The following FUT9 variants were observed in gnomAD, a reference collection of about 807,000 sequenced individuals.
FUT9 encodes 4-galactosyl-N-acetylglucosaminide 3-alpha-L-fucosyltransferase 9.
In FUT9, 15 loss-of-function variants were observed where a neutral mutation model predicts 29.7. That is an observed-to-expected ratio of 0.51 (90% CI 0.34 to 0.78). The LOEUF (loss-of-function observed/expected upper bound fraction) is 0.78. Ranked by LOEUF, FUT9 falls within the 30% of genes least tolerant of loss-of-function variation. The probability of loss-of-function intolerance (pLI) is 0.01; values close to 1 mark genes in which losing one functional copy is unlikely to be tolerated. For missense variants in FUT9, 319 were observed against 425.4 expected (o/e 0.75, Z 2.20); for synonymous variants, 169 against 153.7 (o/e 1.10, Z -0.74).
chr6:96,058,047 T>C (rs1383180302), intron 1 of FUT9, among the ~76,000 whole-genome samples: 1 of 152,000 alleles, frequency 6.6e-6, no homozygotes, highest in Non-Finnish European at 1.5e-5. Context: ...TTGATCTTGT[T>C]TGATATTCTT....
chr6:96,140,377 C>T (rs1180848001), intron 2 of FUT9, among the ~76,000 whole-genome samples: 1 of 150,096 alleles, frequency 6.7e-6, no homozygotes, highest in Non-Finnish European at 1.5e-5. Flanking sequence ...ATCTTCCTGT[C>T]TTCTTCTGAG....
intron 2 of FUT9, among the ~76,000 whole-genome samples, chr6:96,173,358 G>A (rs986270489): frequency 6.6e-6 from 1 of 152,122 alleles, no homozygotes; most frequent in Non-Finnish European, 1.5e-5. Flanking sequence ...CCACTAAAAT[G>A]TTAGCTACAT....
At chr6:96,024,703 G>A (rs1056950275) in intron 1 of FUT9, among the ~76,000 whole-genome samples, 2 of 151,722 alleles carry the variant, frequency 1.3e-5, no homozygotes, top group Non-Finnish European at 2.9e-5. Flanking sequence ...CAGCATCAAG[G>A]ATAGGGAAGT....
At chr6:96,140,497 GTA>G (rs1448927922) in intron 2 of FUT9, among the ~76,000 whole-genome samples, 4 of 152,154 alleles carry the variant, frequency 2.6e-5, no homozygotes, top group Non-Finnish European at 5.9e-5. Context: ...CCAATTTACT[GTA>G]TTAGTCCATT....
At chr6:96,102,167 G>C (rs1333000208) in intron 1 of FUT9, among the ~76,000 whole-genome samples, 1 of 151,932 alleles carries the variant, frequency 6.6e-6, no homozygotes, top group East Asian at 1.9e-4. Context: ...ATGTTATTGA[G>C]AGATCGTTGT....
chr6:96,046,828 G>A (rs1290484185), intron 1 of FUT9, among the ~76,000 whole-genome samples: 2 of 152,132 alleles, frequency 1.3e-5, no homozygotes, highest in African/African-American at 2.4e-5. Flanking sequence ...TATTCAATCT[G>A]GGAAGTGTTG....
chr6:96,123,318 A>G (rs752748163), intron 2 of FUT9, among the ~76,000 whole-genome samples: 2 of 152,096 alleles, frequency 1.3e-5, no homozygotes, highest in Non-Finnish European at 2.9e-5. Flanking sequence ...AAAAAACCCA[A>G]TGCTGAAGTG....
At chr6:96,074,688 T>G (rs576533874) in intron 1 of FUT9, among the ~76,000 whole-genome samples, 2 of 152,314 alleles carry the variant, frequency 1.3e-5, no homozygotes, top group Admixed American at 1.3e-4. Flanking sequence ...AAAATTACCT[T>G]TATCTCTAAA....
chr6:96,176,137 A>G (rs1198573410), intron 2 of FUT9, among the ~76,000 whole-genome samples: 3 of 152,016 alleles, frequency 2.0e-5, no homozygotes, highest in Admixed American at 2.0e-4. Flanking sequence ...TTGGACCGAG[A>G]GTTACATGGC....
At chr6:96,075,179 C>T (rs1369922311) in intron 1 of FUT9, among the ~76,000 whole-genome samples, 1 of 152,016 alleles carries the variant, frequency 6.6e-6, no homozygotes, top group Non-Finnish European at 1.5e-5. Flanking sequence ...TTGTCAGTTA[C>T]TAGCAGAAAG....
At chr6:96,017,464 G>A in intron 1 of FUT9, among the ~76,000 whole-genome samples, 1 of 152,100 alleles carries the variant, frequency 6.6e-6, no homozygotes, top group East Asian at 1.9e-4. Flanking sequence ...TGAGCAAGGG[G>A]GATGGAGTGA....
chr6:96,192,477 T>C (rs1773529315), intron 2 of FUT9, among the ~76,000 whole-genome samples: 1 of 152,058 alleles, frequency 6.6e-6, no homozygotes, highest in Non-Finnish European at 1.5e-5. Flanking sequence ...ATAAAATACC[T>C]AGGAATCCAA....
intron 1 of FUT9, among the ~76,000 whole-genome samples, chr6:96,044,923 T>C (rs1281855252): frequency 6.6e-6 from 1 of 152,226 alleles, no homozygotes. Context: ...TACAGCCTTA[T>C]ATGTTCTACC....
chr6:96,159,740 A>T (rs1157001212), intron 2 of FUT9, among the ~76,000 whole-genome samples: 1 of 152,162 alleles, frequency 6.6e-6, no homozygotes, highest in Non-Finnish European at 1.5e-5. Flanking sequence ...ACTGTTAAAA[A>T]TGATTGAATG....
intron 2 of FUT9, among the ~76,000 whole-genome samples, chr6:96,117,041 ATATAAACT>A (rs1352551627): frequency 2.0e-5 from 3 of 152,244 alleles, no homozygotes; most frequent in Non-Finnish European, 4.4e-5. Context: ...CAAATGTAAT[ATATAAACT>A]TACTGAAGGT....
intron 2 of FUT9, among the ~76,000 whole-genome samples, chr6:96,127,178 CCCT>C (rs1387671028): frequency 6.6e-6 from 1 of 152,116 alleles, no homozygotes; most frequent in East Asian, 1.9e-4. Flanking sequence ...TCAATCCTCA[CCCT>C]CCTCCTATCT....
At chr6:96,024,528 C>G (rs1356958948) in intron 1 of FUT9, among the ~76,000 whole-genome samples, 1 of 151,670 alleles carries the variant, frequency 6.6e-6, no homozygotes, top group Non-Finnish European at 1.5e-5. Flanking sequence ...CTTGGGGATC[C>G]TTTGACTCAG....
intron 1 of FUT9, among the ~76,000 whole-genome samples, chr6:96,051,740 T>A (rs1380097890): frequency 6.6e-6 from 1 of 151,982 alleles, no homozygotes; most frequent in African/African-American, 2.4e-5. Flanking sequence ...ATATTAAATA[T>A]GTGATTAAAT....
At chr6:96,022,168 G>A (rs1024685604) in intron 1 of FUT9, among the ~76,000 whole-genome samples, 1 of 152,116 alleles carries the variant, frequency 6.6e-6, no homozygotes, top group South Asian at 2.1e-4. Context: ...TGATAACGAT[G>A]TTTCACTGCC....
Sources: allele counts gnomAD v4.1 joint callset (sites outside exome capture counted in the v4.1 genomes callset), GRCh38; gene constraint gnomAD v4.1.1; transcripts MANE v1.5; gene names NCBI Gene and HGNC (gene_info 2026-07-23, HGNC 2026-07-21).